Variants in AGPAT4 observed in about 807,000 individuals in gnomAD.
AGPAT4 encodes 1-acylglycerol-3-phosphate O-acyltransferase 4.
In AGPAT4, 15 loss-of-function variants were observed where a neutral mutation model predicts 48.0. The observed-to-expected ratio is 0.31, with a 90% CI of 0.21 to 0.48. AGPAT4 has a LOEUF of 0.48. AGPAT4 is among the 20% of genes least tolerant of loss of function. AGPAT4 has a pLI of 0.99. For synonymous variants in AGPAT4, 178 were observed against 198.7 expected, an observed-to-expected ratio of 0.90 and a Z score of 0.88; for missense variants, 314 against 482.5, an observed-to-expected ratio of 0.65 and a Z score of 3.27.
chr6:161,151,171 C>T (rs1167443431), intron 5 of AGPAT4, among the ~76,000 whole-genome samples: 1 of 152,244 alleles, frequency 6.6e-6, no homozygotes, highest in Non-Finnish European at 1.5e-5. Context: ...CAAATCCCAG[C>T]TCGCCATGTA....
At chr6:161,252,659 A>C (rs1422610784) in intron 1 of AGPAT4, among the ~76,000 whole-genome samples, 1 of 49,358 alleles carries the variant, frequency 2.0e-5, no homozygotes, top group African/African-American at 8.3e-5. Context: ...AAAATACAAA[A>C]ATAAGCTGGT....
Position 161,231,903 on chromosome 6 carries a change from A to G in AGPAT4, c.178+133T>C, listed in dbSNP as rs1241235642. The G allele has an allele frequency of 1.1e-6, 1 of 904,184 alleles. No individual in the cohort carries two copies. Among genetic ancestry groups the G allele is most frequent in the Non-Finnish European group, 1.6e-6 (1 of 632,730 alleles). 56.0% of individuals were successfully genotyped at this position (904,184 alleles called of 1,614,324 possible). On this transcript the variant is annotated intron_variant, in intron 2 of 8. Transcript: ENST00000320285. This position sits in a 1 kb window ranked among gnomAD's most constrained non-coding sequence, Gnocchi z 5.3. ...GGATTGAGAACAAAATAGCCATTTCAAACCTAAAACAAAAACAAAACAAAA... is the reference window on the plus strand; with the variant it reads ...GGATTGAGAACAAAATAGCCATTTCGAACCTAAAACAAAAACAAAACAAAA...
Position 161,144,273 on chromosome 6 carries a change from GGA to G in AGPAT4, c.843+2249_843+2250del, listed in dbSNP as rs1562310931. The G allele has an allele frequency of 2.1e-6, 1 of 482,712 alleles. No homozygotes were observed. Among genetic ancestry groups the G allele is most frequent in the Admixed American group, 2.3e-5 (1 of 43,276 alleles). The allele number at this position is 482,712 out of a possible 1,614,324, so 29.9% of individuals were successfully genotyped here. On this transcript the variant is annotated intron_variant, in intron 7 of 8. Coordinates refer to ENST00000320285, the MANE Select transcript of AGPAT4 (RefSeq NM_020133.3). This position sits in a 1 kb window ranked among gnomAD's most constrained non-coding sequence, Gnocchi z 6.6. The stretch of plus-strand genomic sequence containing the variant: ...ACTCGGTGTCGCCCCAGCCCTGCAC[GGA>G]GAGAGAAAGGGCCTGGACTCCAGCA...
At position 161,152,076 on chromosome 6, in the gene AGPAT4, T is replaced by G. The variant is rs185294892; in HGVS notation, c.664+1270A>C. 9.8e-3 allele frequency among the ~76,000 whole-genome samples: 1,495 copies of G among 152,168 alleles called. 26 individuals are homozygous for G. Among genetic ancestry groups the G allele is most frequent in the African/African-American group, 0.034 (1,425 of 41,524 alleles). ...GCAGGCCCAAGTGAGCTGCTGAGAC[T>G]CCAGAGCCTGCTTTTCTCTCTCCTC... is the stretch of plus-strand genomic sequence containing the variant. On this transcript the variant is annotated intron_variant, in intron 5 of 8. Transcript: ENST00000320285.
chr6:161,135,322 G>A lies in AGPAT4; in HGVS notation c.*1218C>T, dbSNP rs573767680. On this transcript the variant is annotated 3_prime_UTR_variant, in exon 9 of 9. Transcript: ENST00000320285. ...TGCCATTGGTGTCTTGGCCTAAGAT[G>A]ATTTAATAGCTAGCATTTGTTCTGC... 3.3e-5 allele frequency: 5 copies of A among 152,212 alleles called. No individual in the cohort carries two copies. Among genetic ancestry groups the A allele is most frequent in the African/African-American group, 1.2e-4 (5 of 41,450 alleles). The allele number at this position is 152,212 out of a possible 1,614,324, so 9.4% of individuals were successfully genotyped here.
chr6:161,186,092 C>G (rs560126813), intron 2 of AGPAT4, among the ~76,000 whole-genome samples: 1 of 152,278 alleles, frequency 6.6e-6, no homozygotes, highest in Non-Finnish European at 1.5e-5. Context: ...ATTGCCTACT[C>G]TGGGCTGCAG....
rs10628377 is a variant in AGPAT4, at chr6:161,198,748, T to TCTGG, written c.179-32332_179-32331insCCAG. Among the ~76,000 whole-genome samples, 3 of 152,000 alleles carry TCTGG rather than the reference T, an allele frequency of 2.0e-5. No individual in the cohort carries two copies. The highest frequency in any genetic ancestry group is 7.3e-5 in the African/African-American group (3 of 41,332). ...AGAGTGCTGGGAACACTATATGCAG[T>TCTGG]CTGTTTTTTCCTTTACACTGACGGA... On this transcript the variant is annotated intron_variant, in intron 2 of 8. Coordinates refer to ENST00000320285, the MANE Select transcript of AGPAT4 (RefSeq NM_020133.3). This position sits in a 1 kb window ranked among gnomAD's most constrained non-coding sequence, Gnocchi z 4.3.
intron 2 of AGPAT4, among the ~76,000 whole-genome samples, chr6:161,230,125 C>T (rs888576781): frequency 5.9e-5 from 9 of 152,184 alleles, no homozygotes; most frequent in African/African-American, 2.2e-4. Flanking sequence ...GAAACAAATA[C>T]ACTAATGCAT....
In AGPAT4 at chr6:161,242,670, A is replaced by C. The variant is rs555470689; in HGVS notation, c.-89-10368T>G. 2.6e-5 allele frequency among the ~76,000 whole-genome samples: 4 copies of C among 152,324 alleles called. No individual in the cohort carries two copies. In the East Asian group the frequency reaches 7.7e-4, roughly 29 times the overall value. ...GCTCAGTCTGTGAAGTCTCCAAAAA[A>C]TTTTATCAACTCCTGATGAAAAATC... On this transcript the variant is annotated intron_variant, in intron 1 of 8. Coordinates refer to ENST00000320285, the MANE Select transcript of AGPAT4 (RefSeq NM_020133.3). This position sits in a 1 kb window ranked among gnomAD's most constrained non-coding sequence, Gnocchi z 5.0.
In AGPAT4 at chr6:161,221,724, G is replaced by A. The variant is rs1781840213; in HGVS notation, c.178+10312C>T. Among the ~76,000 whole-genome samples, 1 of 152,194 alleles carries A rather than the reference G, an allele frequency of 6.6e-6. No individual in the cohort carries two copies. The highest frequency in any genetic ancestry group is 2.4e-5 in the African/African-American group (1 of 41,442). ...CAGGGTTGGTTCCTTCTGAGCATGTGAGGGAGGATCTGTGTCACAGCTCTC... is the reference window on the plus strand; with the variant it reads ...CAGGGTTGGTTCCTTCTGAGCATGTAAGGGAGGATCTGTGTCACAGCTCTC... On this transcript the variant is annotated intron_variant, in intron 2 of 8. Coordinates refer to ENST00000320285, the MANE Select transcript of AGPAT4 (RefSeq NM_020133.3). This position sits in a 1 kb window ranked among gnomAD's most constrained non-coding sequence, Gnocchi z 4.5.
chr6:161,173,471 G>A (rs531681368), intron 2 of AGPAT4, among the ~76,000 whole-genome samples: 6 of 152,194 alleles, frequency 3.9e-5, no homozygotes, highest in Admixed American at 2.0e-4. Context: ...CATATCCTTC[G>A]CCCACTTTTT....
In AGPAT4 at chr6:161,140,541, T is replaced by C. The variant is rs935318561; in HGVS notation, c.844-921A>G. ...CGGTGGCTCTTCCCTGGGTGTCTCA[T>C]GTCACGGAGCTCCCGCTCAGGGACT... On this transcript the variant is annotated intron_variant, in intron 7 of 8. Transcript: ENST00000320285. The surrounding 1 kb of genome is among the most constrained non-coding windows in gnomAD (Gnocchi z 6.5). Among the ~76,000 whole-genome samples the C allele has an allele frequency of 2.6e-4, 40 of 151,696 alleles. No individual in the cohort carries two copies. Among genetic ancestry groups the C allele is most frequent in the South Asian group, 4.1e-4 (2 of 4,830 alleles).
chr6:161,167,313 C>T (rs144360924), intron 2 of AGPAT4, among the ~76,000 whole-genome samples: 7,832 of 152,232 alleles, frequency 0.051, 315 homozygotes, highest in Non-Finnish European at 0.07. Flanking sequence ...GCAGCCTCAA[C>T]CTCCCAGGCT....
chr6:161,190,768 C>T (rs1780901892), intron 2 of AGPAT4, among the ~76,000 whole-genome samples: 1 of 152,070 alleles, frequency 6.6e-6, no homozygotes, highest in Non-Finnish European at 1.5e-5. Context: ...TATATATGAT[C>T]TAAAATACCC....
At chr6:161,188,930 CT>C (rs1350853806) in intron 2 of AGPAT4, among the ~76,000 whole-genome samples, 18 of 152,212 alleles carry the variant, frequency 1.2e-4, no homozygotes, top group African/African-American at 4.1e-4. Flanking sequence ...CATGCCCATT[CT>C]GGGGGCAGAA....
chr6:161,188,516 T>A (rs1036514385), intron 2 of AGPAT4, among the ~76,000 whole-genome samples: 2 of 152,204 alleles, frequency 1.3e-5, no homozygotes, highest in African/African-American at 4.8e-5. Flanking sequence ...GGTACCCCAT[T>A]ACATTTGAAT....
rs536243762 is a variant in AGPAT4 at position 161,215,995 on chromosome 6, C to T, written c.178+16041G>A. Among the ~76,000 whole-genome samples the T allele has an allele frequency of 6.6e-6, 1 of 152,304 alleles. No homozygotes were observed. Among genetic ancestry groups the T allele is most frequent in the African/African-American group, 2.4e-5 (1 of 41,574 alleles). On this transcript the variant is annotated intron_variant, in intron 2 of 8. Transcript: ENST00000320285. This position sits in a 1 kb window ranked among gnomAD's most constrained non-coding sequence, Gnocchi z 4.5. ...CCCTAGAGCTGGAAAGCTGTCCAGG[C>T]TCACACATACTTGCCTCTCTTAACC...
intron 2 of AGPAT4, among the ~76,000 whole-genome samples, chr6:161,192,911 A>G (rs568608051): frequency 7.4e-4 from 113 of 152,134 alleles, no homozygotes; most frequent in South Asian, 4.8e-3. Context: ...GTGGTCTGTC[A>G]CTCTTTGGAA....
chr6:161,209,093 T>C (rs1781456363), intron 2 of AGPAT4, among the ~76,000 whole-genome samples: 1 of 152,218 alleles, frequency 6.6e-6, no homozygotes, highest in Admixed American at 6.5e-5. Context: ...TGAAACCTGG[T>C]GATAAGTGGG....
Sources: allele counts gnomAD v4.1 joint callset (sites outside exome capture counted in the v4.1 genomes callset), GRCh38; gene constraint gnomAD v4.1.1; non-coding constraint Gnocchi (gnomAD v3.1); transcripts MANE v1.5; gene names NCBI Gene and HGNC (gene_info 2026-07-23, HGNC 2026-07-21).